The following MAD1L1 variants were observed in gnomAD, a reference collection of about 807,000 sequenced individuals.
The protein encoded by MAD1L1 is mitotic spindle assembly checkpoint protein MAD1.
In MAD1L1, 95 loss-of-function variants were observed where a neutral mutation model predicts 96.9. The ratio of observed to expected loss-of-function variants is 0.98; its 90% CI spans 0.83 to 1.16. The LOEUF is 1.16. MAD1L1 is among the 50% of genes most tolerant of loss of function. MAD1L1 has a pLI of 0.00. For missense variants in MAD1L1, 1,007 were observed against 954.4 expected (o/e 1.06, Z -0.73); for synonymous variants, 473 against 396.6 (o/e 1.19, Z -2.29).
chr7:2,145,581 A>T (rs759538766), intron 11 of MAD1L1, among the ~76,000 whole-genome samples: 2 of 152,246 alleles, frequency 1.3e-5, no homozygotes, highest in Non-Finnish European at 2.9e-5. Context: ...GTGGCCCAGC[A>T]GCTAACTCCG....
chr7:2,184,561 A>G (rs1791368907), intron 10 of MAD1L1, among the ~76,000 whole-genome samples: 2 of 152,236 alleles, frequency 1.3e-5, no homozygotes, highest in South Asian at 4.2e-4. Context: ...CTGGGTGCTC[A>G]CTCGAGAGAA....
chr7:1,866,751 G>A (rs1784798076), intron 18 of MAD1L1, among the ~76,000 whole-genome samples: 1 of 152,222 alleles, frequency 6.6e-6, no homozygotes, highest in South Asian at 2.1e-4. Flanking sequence ...CTGTTCCACG[G>A]GCTGACGGGA....
At chr7:2,040,838 A>G (rs568108354) in intron 12 of MAD1L1, among the ~76,000 whole-genome samples, 1 of 152,202 alleles carries the variant, frequency 6.6e-6, no homozygotes, top group Non-Finnish European at 1.5e-5. Flanking sequence ...ATCAAAGAAA[A>G]TGCGTCAACT....
chr7:1,931,287 C>T (rs569169242), intron 17 of MAD1L1, among the ~76,000 whole-genome samples: 1 of 152,050 alleles, frequency 6.6e-6, no homozygotes, highest in East Asian at 1.9e-4. Flanking sequence ...GTGGGGTCCA[C>T]GTCAAGGGTC....
chr7:1,981,115 T>A (rs1261024903), intron 14 of MAD1L1, among the ~76,000 whole-genome samples: 1 of 152,166 alleles, frequency 6.6e-6, no homozygotes, highest in East Asian at 1.9e-4. Flanking sequence ...TACAGGCGCG[T>A]GCTGCCACGC....
chr7:1,980,418 C>T (rs1342374571), intron 15 of MAD1L1, 35 bp downstream of exon 15: 6 of 1,581,852 alleles, frequency 3.8e-6, no homozygotes, highest in Admixed American at 3.5e-5. Context: ...GGGGGACACA[C>T]CTGGGCGTGT....
At chr7:1,947,638 C>T (rs1404531123) in intron 16 of MAD1L1, among the ~76,000 whole-genome samples, 5 of 151,928 alleles carry the variant, frequency 3.3e-5, no homozygotes, top group Non-Finnish European at 7.4e-5. Flanking sequence ...CCCGCTTGGC[C>T]TTCCCATCTC....
chr7:1,900,293 G>C (rs1016200831), intron 17 of MAD1L1, among the ~76,000 whole-genome samples: 2 of 152,252 alleles, frequency 1.3e-5, no homozygotes, highest in African/African-American at 4.8e-5. Flanking sequence ...CAGGGACCAC[G>C]TTAGCAGCAT....
At chr7:2,000,671 C>T (rs1781753900) in intron 14 of MAD1L1, among the ~76,000 whole-genome samples, 1 of 152,248 alleles carries the variant, frequency 6.6e-6, no homozygotes. Context: ...ACTGACTACT[C>T]ACTTGGCAAC....
chr7:2,041,195 C>T (rs540228904), intron 12 of MAD1L1, among the ~76,000 whole-genome samples: 9 of 152,344 alleles, frequency 5.9e-5, no homozygotes, highest in African/African-American at 1.4e-4. Flanking sequence ...GCCCTGCCTC[C>T]CCTTCCTAGC....
At chr7:1,935,369 C>T (rs1328676000) in intron 17 of MAD1L1, among the ~76,000 whole-genome samples, 1 of 152,214 alleles carries the variant, frequency 6.6e-6, no homozygotes, top group Non-Finnish European at 1.5e-5. Context: ...CTGCCATCAG[C>T]TCGCCCCTCA....
intron 13 of MAD1L1, among the ~76,000 whole-genome samples, chr7:2,011,138 C>T (rs1233430865): frequency 6.6e-6 from 1 of 152,046 alleles, no homozygotes; most frequent in East Asian, 1.9e-4. Flanking sequence ...GGCCCCCCAC[C>T]CCCCGACCGT....
chr7:2,155,602 C>T (rs1789792543), intron 10 of MAD1L1, among the ~76,000 whole-genome samples: 1 of 152,222 alleles, frequency 6.6e-6, no homozygotes, highest in Non-Finnish European at 1.5e-5. Flanking sequence ...GCATCACGTC[C>T]TCAAGGCTCA....
At chr7:2,220,840 A>C in intron 5 of MAD1L1, 1 of 1,559,182 alleles carries the variant, frequency 6.4e-7, no homozygotes, top group African/African-American at 1.4e-5. Flanking sequence ...TACTAACAAT[A>C]AACACATCCT....
intron 17 of MAD1L1, among the ~76,000 whole-genome samples, chr7:1,921,618 C>T (rs774516132): frequency 1.2e-4 from 18 of 151,740 alleles, no homozygotes; most frequent in Non-Finnish European, 2.4e-4. Flanking sequence ...CGCGCCTGGC[C>T]GTGACAAAGT....
chr7:2,000,565 G>T (rs938852947), intron 14 of MAD1L1, among the ~76,000 whole-genome samples: 2 of 152,266 alleles, frequency 1.3e-5, no homozygotes, highest in African/African-American at 4.8e-5. Flanking sequence ...GGGTCCCCCA[G>T]GCTTGGCTCA....
At chr7:1,933,792 G>A (rs1789618750) in intron 17 of MAD1L1, among the ~76,000 whole-genome samples, 1 of 152,158 alleles carries the variant, frequency 6.6e-6, no homozygotes. Flanking sequence ...GATGGTTCCG[G>A]GGACCCATCT....
rs532502268 is a variant in MAD1L1, at chr7:2,012,026, A to C, written c.1359+2476T>G. On this transcript the variant is annotated intron_variant, in intron 13 of 18. Coordinates refer to ENST00000265854, the MANE Select transcript of MAD1L1 (RefSeq NM_001013836.2). The stretch of plus-strand genomic sequence containing the variant: ...TGGGCCCAACTCTTCTATGTGCCTA[A>C]TTCTCCTGAAACCCCAGGAGACAGA... Among the ~76,000 whole-genome samples the C allele has an allele frequency of 7.3e-4, 111 of 152,282 alleles. 1 individual carries two copies. Among genetic ancestry groups the C allele is most frequent in the African/African-American group, 2.5e-3 (105 of 41,556 alleles).
intron 18 of MAD1L1, among the ~76,000 whole-genome samples, chr7:1,817,704 G>C (rs114909259): frequency 0.01 from 1,560 of 152,260 alleles, 33 homozygotes; most frequent in African/African-American, 0.036. Flanking sequence ...GTGAGGGTGA[G>C]CTGCATGTGT....
Sources: allele counts gnomAD v4.1 joint callset (sites outside exome capture counted in the v4.1 genomes callset), GRCh38; gene constraint gnomAD v4.1.1; transcripts MANE v1.5; gene names NCBI Gene and HGNC (gene_info 2026-07-23, HGNC 2026-07-21).